DNAH9: variants seen among roughly 807,000 people sequenced by gnomAD.
DNAH9 encodes the protein dynein axonemal heavy chain 9, also known as DNAH9 variant protein.
DNAH9 carries 345 observed loss-of-function variants against 471.6 expected under a neutral mutation model. The ratio of observed to expected loss-of-function variants is 0.73; its 90% CI spans 0.67 to 0.80. The LOEUF (loss-of-function observed/expected upper bound fraction) is 0.80, where lower values mean the gene tolerates loss of function less well. Ranked by LOEUF, DNAH9 falls within the 30% of genes least tolerant of loss-of-function variation. DNAH9 has a pLI of 0.00. For missense variants in DNAH9, 5,407 were observed against 5,609.2 expected (o/e 0.96, Z 1.15); for synonymous variants, 2,093 against 2,123.6 (o/e 0.99, Z 0.40).
At chr17:11,893,746 C>CA (rs1973134328) in intron 58 of DNAH9, among the ~76,000 whole-genome samples, 1 of 152,076 alleles carries the variant, frequency 6.6e-6, no homozygotes, top group African/African-American at 2.4e-5. Context: ...AGCATTAGGA[C>CA]AAATACCTAA....
chr17:11,943,495 G>A (rs1975011249), intron 67 of DNAH9, among the ~76,000 whole-genome samples: 2 of 151,916 alleles, frequency 1.3e-5, no homozygotes, highest in South Asian at 2.1e-4. Context: ...TGGCTAGCAC[G>A]GTGAAACCCC....
intron 17 of DNAH9, among the ~76,000 whole-genome samples, chr17:11,673,197 T>C (rs2073998590): frequency 6.6e-6 from 1 of 152,212 alleles, no homozygotes; most frequent in African/African-American, 2.4e-5. Context: ...CCTGTTTCCT[T>C]CAAATATTTT....
chr17:11,726,079 A>G, intron 27 of DNAH9, among the ~76,000 whole-genome samples: 1 of 152,000 alleles, frequency 6.6e-6, no homozygotes, highest in East Asian at 1.9e-4. Flanking sequence ...TTCTCTGCAC[A>G]TATCATTATT....
At chr17:11,645,915 T>G (rs974427335) in intron 11 of DNAH9, among the ~76,000 whole-genome samples, 1 of 149,126 alleles carries the variant, frequency 6.7e-6, no homozygotes, top group African/African-American at 2.5e-5. Context: ...AGTCTTGCTC[T>G]GTCGCCCAGA....
chr17:11,678,007 T>G (rs1487739841), intron 17 of DNAH9, among the ~76,000 whole-genome samples: 1 of 354 alleles, frequency 2.8e-3, no homozygotes, highest in Non-Finnish European at 0.029. Flanking sequence ...CCAGGAACTA[T>G]ATATATATAT....
rs758022042 is a variant in DNAH9, at chr17:11,757,531, C to T, written c.6848-14C>T. ...TATGGAATATTCACTAAACTGTATT[C>T]TCTGTGCTCACAGGGATCTTGTACA... On this transcript the variant is annotated splice_polypyrimidine_tract_variant and intron_variant, in intron 34 of 68. Coordinates refer to ENST00000262442, the MANE Select transcript of DNAH9 (RefSeq NM_001372.4). 1.2e-6 allele frequency: 2 copies of T among 1,608,232 alleles called. No homozygotes were observed. Among genetic ancestry groups the T allele is most frequent in the Non-Finnish European group, 1.7e-6 (2 of 1,175,244 alleles).
At chr17:11,664,039 T>G (rs763390579) in intron 14 of DNAH9, among the ~76,000 whole-genome samples, 11 of 152,198 alleles carry the variant, frequency 7.2e-5, no homozygotes, top group Non-Finnish European at 1.5e-4. Context: ...TCTAGAAAAG[T>G]TACGTCTGCA....
Position 11,598,681 on chromosome 17 carries a change from C to T in DNAH9, c.183C>T (p.Gly61=). The T allele has an allele frequency of 7.3e-7, 1 of 1,366,052 alleles. No homozygotes were observed. The highest frequency in any genetic ancestry group is 1.7e-5 in the South Asian group (1 of 59,352). The allele number at this position is 1,366,052 out of a possible 1,614,324, so 84.6% of individuals were successfully genotyped here. A position where few individuals can be genotyped will look rare whatever the true frequency, so the allele number is the denominator to read the frequency against. The change falls in exon 1 of 69, where the codon GGC becomes GGT. Residue 61 remains glycine (G), a synonymous_variant. Coordinates refer to ENST00000262442, the MANE Select transcript of DNAH9 (RefSeq NM_001372.4). ...AGCAGCTGCTCCAGGCCTTCCTGGG[C>T]CGCGATGCTGCCGAGGGGCCGCGGC... ...EAEQLLQAFL[G]RDAAEGPRPL...
chr17:11,610,516 T>C lies in DNAH9; in HGVS notation c.735T>C (p.Asn245=), dbSNP rs770956198. The C allele has an allele frequency of 6.2e-7, 1 of 1,613,032 alleles. No individual in the cohort carries two copies. Among genetic ancestry groups the C allele is most frequent in the East Asian group, 2.2e-5 (1 of 44,858 alleles). ...CCCAGCCACTCTTACAAGGGGAGAA[T>C]CCCACCCCTAAGGTGGAGTTGGAGT... ...ESSQPLLQGE[N]PTPKVELEFW... is the part of the protein sequence containing the mutation. The change falls in exon 3 of 69, where the codon AAT becomes AAC. Residue 245 remains asparagine, a synonymous_variant. Transcript: ENST00000262442.
chr17:11,764,015 C>G (rs1378118859), intron 36 of DNAH9, among the ~76,000 whole-genome samples: 1 of 152,114 alleles, frequency 6.6e-6, no homozygotes, highest in Non-Finnish European at 1.5e-5. Context: ...TCTTAAAAAC[C>G]TCTAGAACAA....
chr17:11,756,706 G>T (rs748365082), intron 34 of DNAH9, 30 bp downstream of exon 34: 2 of 1,392,610 alleles, frequency 1.4e-6, no homozygotes, highest in Non-Finnish European at 1.0e-6. Context: ...GAACCACAAA[G>T]CTACTCCACT....
chr17:11,937,408 C>T lies in DNAH9; in HGVS notation c.12546C>T (p.Asn4182=), dbSNP rs150711038. The part of the protein sequence containing the change: ...ESPYLYGLHP[N]AEIGFLTQTS... Reference sequence around the variant, plus strand: ...CCTACCTCTATGGCCTCCACCCGAACGCAGAGATTGGCTTCCTGACCCAAA... The same window carrying T: ...CCTACCTCTATGGCCTCCACCCGAATGCAGAGATTGGCTTCCTGACCCAAA... The change falls in exon 66 of 69, where the codon AAC becomes AAT. Residue 4182 remains asparagine, a synonymous_variant. Coordinates refer to ENST00000262442, the MANE Select transcript of DNAH9 (RefSeq NM_001372.4). The surrounding 1 kb of genome is among the most constrained non-coding windows in gnomAD (Gnocchi z 4.1). 6.4e-5 allele frequency: 104 copies of T among 1,614,090 alleles called. No individual in the cohort carries two copies. The African/African-American group carries it at 1.2e-3, about 19-fold the overall frequency.
intron 14 of DNAH9, among the ~76,000 whole-genome samples, chr17:11,657,644 T>C (rs2073678128): frequency 6.6e-6 from 1 of 151,738 alleles, no homozygotes; most frequent in Non-Finnish European, 1.5e-5. Flanking sequence ...ATATCTTTTA[T>C]TTTTTTTCTT....
intron 67 of DNAH9, 48 bp downstream of exon 67, chr17:11,942,533 A>T: frequency 6.4e-7 from 1 of 1,568,884 alleles, no homozygotes; most frequent in Non-Finnish European, 8.7e-7. Flanking sequence ...TAGAGGACAC[A>T]GATGGACCCC....
At chr17:11,785,405 ATGTAAT>A (rs1437072967) in intron 41 of DNAH9, among the ~76,000 whole-genome samples, 7 of 152,182 alleles carry the variant, frequency 4.6e-5, no homozygotes, top group African/African-American at 7.2e-5. Flanking sequence ...ATGACAGCAC[ATGTAAT>A]TGTAATTAAT....
At chr17:11,632,238 G>A (rs779563244) in intron 7 of DNAH9, among the ~76,000 whole-genome samples, 1 of 152,174 alleles carries the variant, frequency 6.6e-6, no homozygotes, top group African/African-American at 2.4e-5. Context: ...TAGCCCCATT[G>A]CTGGGGCTGT....
chr17:11,880,321 T>C (rs1597783139), intron 54 of DNAH9, 121 bp downstream of exon 54: 3 of 1,242,324 alleles, frequency 2.4e-6, no homozygotes. Flanking sequence ...AGTAGCTCCC[T>C]GCAGCACATC....
At position 11,943,141 on chromosome 17, in the gene DNAH9, G is replaced by A. The variant is rs767316524; in HGVS notation, c.12843+656G>A. On this transcript the variant is annotated intron_variant, in intron 67 of 68. Coordinates refer to ENST00000262442, the MANE Select transcript of DNAH9 (RefSeq NM_001372.4). The stretch of plus-strand genomic sequence containing the variant: ...CATCTCCTGACCTCATAATCCACCC[G>A]CCTCAGCCTCCCAAAGTGCTGGGAT... Among the ~76,000 whole-genome samples, 9 of 151,764 alleles carry A rather than the reference G, an allele frequency of 5.9e-5. No individual in the cohort carries two copies. The South Asian group carries it at 1.7e-3, about 28-fold the overall frequency.
At chr17:11,803,429 G>A (rs141414940) in intron 43 of DNAH9, among the ~76,000 whole-genome samples, 2 of 152,220 alleles carry the variant, frequency 1.3e-5, no homozygotes, top group African/African-American at 4.8e-5. Context: ...TGCGTGTCTA[G>A]TCCAATAAAT....
Sources: allele counts gnomAD v4.1 joint callset (sites outside exome capture counted in the v4.1 genomes callset), GRCh38; gene constraint gnomAD v4.1.1; non-coding constraint Gnocchi (gnomAD v3.1); transcripts MANE v1.5; gene names NCBI Gene and HGNC (gene_info 2026-07-23, HGNC 2026-07-21).